The following WDR33 variants were observed in gnomAD, a reference collection of about 807,000 sequenced individuals.
WDR33 encodes the protein pre-mRNA 3' end processing protein WDR33.
In WDR33, 47 loss-of-function variants were observed where a neutral mutation model predicts 164.9. The observed-to-expected ratio is 0.29, with a 90% CI of 0.23 to 0.36. The LOEUF (loss-of-function observed/expected upper bound fraction) is 0.36, where lower values mean the gene tolerates loss of function less well. Among genes scored for constraint, WDR33 ranks in the 10% least tolerant of loss-of-function variants. The pLI is 1.00. For synonymous variants in WDR33, 505 were observed against 589.0 expected, an observed-to-expected ratio of 0.86 and a Z score of 2.06; for missense variants, 1,137 against 1,754.1, an observed-to-expected ratio of 0.65 and a Z score of 6.28.
intron 1 of WDR33, among the ~76,000 whole-genome samples, chr2:127,786,694 T>C (rs1473536218): frequency 6.6e-6 from 1 of 152,108 alleles, no homozygotes; most frequent in Non-Finnish European, 1.5e-5. Flanking sequence ...AAAATATATA[T>C]ATGTATTTTT....
chr2:127,787,622 C>T (rs1204423862), intron 1 of WDR33, among the ~76,000 whole-genome samples: 3 of 87,886 alleles, frequency 3.4e-5, no homozygotes, highest in African/African-American at 5.7e-5. Flanking sequence ...CGGGCAGAGG[C>T]GCCCCTCACC....
chr2:127,762,225 C>A (rs1029154113), intron 7 of WDR33, among the ~76,000 whole-genome samples: 1 of 152,128 alleles, frequency 6.6e-6, no homozygotes, highest in Non-Finnish European at 1.5e-5. Flanking sequence ...GTAGAAGGTA[C>A]TGTTTGTTAA....
chr2:127,766,881 T>C (rs1573931735), intron 4 of WDR33, among the ~76,000 whole-genome samples: 1 of 152,066 alleles, frequency 6.6e-6, no homozygotes, highest in East Asian at 1.9e-4. Context: ...GTGATTCCCC[T>C]GTCTCAGCCT....
chr2:127,803,052 A>G (rs1689308541), intron 1 of WDR33, among the ~76,000 whole-genome samples: 1 of 152,124 alleles, frequency 6.6e-6, no homozygotes, highest in African/African-American at 2.4e-5. Flanking sequence ...ACAAACAAAA[A>G]CTGTGAAATT....
chr2:127,782,400 T>C (rs948430743), intron 1 of WDR33, among the ~76,000 whole-genome samples: 1 of 152,080 alleles, frequency 6.6e-6, no homozygotes, highest in Non-Finnish European at 1.5e-5. Context: ...ATCTCAAATT[T>C]GCAGATCAAT....
intron 7 of WDR33, chr2:127,762,386 G>GT (rs1206719570): frequency 2.1e-6 from 1 of 483,630 alleles, no homozygotes; most frequent in Non-Finnish European, 2.7e-6. Flanking sequence ...CTGAATTCAC[G>GT]TAACTCACAT....
At chr2:127,794,709 C>G (rs1229928315) in intron 1 of WDR33, among the ~76,000 whole-genome samples, 1 of 150,550 alleles carries the variant, frequency 6.6e-6, no homozygotes, top group Non-Finnish European at 1.5e-5. Flanking sequence ...TGGCGGGCAA[C>G]TGTAGTTCCA....
chr2:127,747,077 A>G (rs569377697), intron 7 of WDR33, among the ~76,000 whole-genome samples: 8 of 151,464 alleles, frequency 5.3e-5, no homozygotes, highest in Non-Finnish European at 1.0e-4. Context: ...TTTAGTTTCA[A>G]AATACAAAGC....
chr2:127,786,804 C>T (rs553848633), intron 1 of WDR33, among the ~76,000 whole-genome samples: 10 of 149,128 alleles, frequency 6.7e-5, no homozygotes, highest in African/African-American at 2.2e-4. Context: ...AGACATATAT[C>T]ATCTGCAAAG....
At chr2:127,784,515 G>A (rs142384707) in intron 1 of WDR33, among the ~76,000 whole-genome samples, 6 of 151,962 alleles carry the variant, frequency 3.9e-5, no homozygotes, top group African/African-American at 9.7e-5. Context: ...CCAGAGTAGC[G>A]GGGACTACAG....
intron 1 of WDR33, among the ~76,000 whole-genome samples, chr2:127,806,178 G>A (rs1272551112): frequency 6.6e-6 from 1 of 150,488 alleles, no homozygotes; most frequent in Non-Finnish European, 1.5e-5. Context: ...TGCTTACAGT[G>A]GCTCATCATC....
intron 1 of WDR33, among the ~76,000 whole-genome samples, chr2:127,783,234 T>C (rs1181176717): frequency 6.6e-6 from 1 of 152,250 alleles, no homozygotes; most frequent in Non-Finnish European, 1.5e-5. Flanking sequence ...TACCTGATAC[T>C]GTACTGGGCA....
Position 127,716,960 on chromosome 2 carries a change from C to A in WDR33, c.2869+195G>T, listed in dbSNP as rs1276950003. 6.6e-6 allele frequency among the ~76,000 whole-genome samples: 1 copy of A among 152,196 alleles called. No homozygotes were observed. The highest frequency in any genetic ancestry group is 2.4e-5 in the African/African-American group (1 of 41,448). On this transcript the variant is annotated intron_variant, in intron 17 of 21. Transcript: ENST00000322313. The surrounding 1 kb of genome is among the most constrained non-coding windows in gnomAD (Gnocchi z 4.5). ...GTGCGGGTGCCTTCATTGTCAGCCT[C>A]TGGGGTGAGGGGCTTACTAAACAGA... is the stretch of plus-strand genomic sequence containing the variant.
chr2:127,803,041 TACAA>T (rs1689308370), intron 1 of WDR33, among the ~76,000 whole-genome samples: 1 of 151,978 alleles, frequency 6.6e-6, no homozygotes, highest in South Asian at 2.1e-4. Context: ...TAATAATGAA[TACAA>T]ACAAAAACTG....
chr2:127,747,138 C>T (rs1319246356), intron 7 of WDR33, among the ~76,000 whole-genome samples: 3 of 151,890 alleles, frequency 2.0e-5, no homozygotes, highest in Non-Finnish European at 4.4e-5. Flanking sequence ...ATCTATGTGT[C>T]TAAATTATAT....
chr2:127,713,578 C>A lies in WDR33; in HGVS notation c.3308+5G>T, dbSNP rs543032726. 1 of 1,614,022 alleles carries A rather than the reference C, an allele frequency of 6.2e-7. No homozygotes were observed. The highest frequency in any genetic ancestry group is 2.2e-5 in the East Asian group (1 of 44,884). On this transcript the variant is annotated splice_donor_5th_base_variant and intron_variant, in intron 18 of 21. Transcript: ENST00000322313. The surrounding 1 kb of genome is among the most constrained non-coding windows in gnomAD (Gnocchi z 6.2). The stretch of plus-strand genomic sequence containing the variant: ...TGGAATGGGCCCACAAAGTATCTGT[C>A]CCACCTTTCTTCTCTGCGCCCTCGA...
At chr2:127,752,887 G>C (rs1229109457) in intron 7 of WDR33, among the ~76,000 whole-genome samples, 3 of 152,134 alleles carry the variant, frequency 2.0e-5, no homozygotes, top group Non-Finnish European at 4.4e-5. Flanking sequence ...TAACAACTAA[G>C]ATAAACTATT....
intron 7 of WDR33, among the ~76,000 whole-genome samples, chr2:127,756,687 A>G: frequency 6.6e-6 from 1 of 152,318 alleles, no homozygotes. Context: ...AGACAACTAC[A>G]GAATAAAATT....
intron 1 of WDR33, among the ~76,000 whole-genome samples, chr2:127,798,323 G>A (rs1054011997): frequency 2.4e-4 from 32 of 134,962 alleles, no homozygotes; most frequent in African/African-American, 6.0e-4. Context: ...AGCCAAGATC[G>A]TGCCACTGCA....
Sources: gnomAD v4.1 joint callset for allele counts (sites outside exome capture counted in the v4.1 genomes callset) on GRCh38, gnomAD v4.1.1 for gene constraint, Gnocchi (gnomAD v3.1) non-coding constraint, MANE v1.5 for transcripts, NCBI Gene and HGNC (gene_info 2026-07-23, HGNC 2026-07-21) for gene names.